The following SPATA12 variants were observed in gnomAD, a reference collection of about 807,000 sequenced individuals.
The protein encoded by SPATA12 is spermatogenesis-associated protein 12.
For missense variants in SPATA12, 219 were observed against 226.4 expected (o/e 0.97, Z 0.21); for synonymous variants, 85 against 89.2 (o/e 0.95, Z 0.26).
chr3:57,074,264 G>A lies in SPATA12; in HGVS notation c.570G>A (p.Leu190=). 2 of 1,606,406 alleles carry A rather than the reference G, an allele frequency of 1.2e-6. No homozygotes were observed. Among genetic ancestry groups the A allele is most frequent in the African/African-American group, 2.7e-5 (2 of 74,922 alleles). The part of the protein sequence containing the change: ...VYSNTHIHTH[L] ...CCAACACACACATACACACACATCT[G>A]TAATCAATAATAATCCTGCAACATC... is the stretch of plus-strand genomic sequence containing the variant. The change falls in exon 2 of 2, where the codon CTG becomes CTA. Residue 190 remains leucine, a synonymous_variant. Transcript: ENST00000334325.
At chr3:57,071,859 T>C (rs1273157310) in intron 1 of SPATA12, among the ~76,000 whole-genome samples, 3 of 151,944 alleles carry the variant, frequency 2.0e-5, no homozygotes, top group Non-Finnish European at 2.9e-5. Context: ...CAAAAAATAC[T>C]TTAAAATCAT....
chr3:57,068,732 C>T (rs1036174990), intron 1 of SPATA12, among the ~76,000 whole-genome samples: 1 of 152,088 alleles, frequency 6.6e-6, no homozygotes, highest in African/African-American at 2.4e-5. Flanking sequence ...GGAACTGAAG[C>T]GCCAAACCTC....
At chr3:57,072,708 A>G (rs1382632441) in intron 1 of SPATA12, among the ~76,000 whole-genome samples, 7 of 144,932 alleles carry the variant, frequency 4.8e-5, no homozygotes, top group Non-Finnish European at 1.5e-5. Context: ...CACCCTGGGC[A>G]ACAGAACGAG....
rs1229963963 is a variant in SPATA12 at position 57,074,121 on chromosome 3, T to C, written c.427T>C (p.Trp143Arg). Residue 143 changes from tryptophan to arginine, a missense_variant, in exon 2 of 2, where the codon TGG (tryptophan) becomes CGG (arginine). By Grantham distance (101) the Trp-to-Arg change is moderately radical. Transcript: ENST00000334325. Reference protein sequence around the residue: ...EDGDNERTTGWLWRLCEDIDA... With the variant: ...EDGDNERTTGRLWRLCEDIDA... ...TGGGGATAATGAGAGGACCACAGGA[T>C]GGTTGTGGAGACTGTGTGAGGATAT... is the stretch of plus-strand genomic sequence containing the variant. 6.2e-7 allele frequency: 1 copy of C among 1,613,684 alleles called. No individual in the cohort carries two copies. Among genetic ancestry groups the C allele is most frequent in the Non-Finnish European group, 8.5e-7 (1 of 1,179,588 alleles).
chr3:57,069,096 T>C (rs77679291), intron 1 of SPATA12, among the ~76,000 whole-genome samples: 13,656 of 152,048 alleles, frequency 0.09, 868 homozygotes, highest in East Asian at 0.35. Flanking sequence ...ATAATTTTTG[T>C]ATTTTTAGCA....
intron 1 of SPATA12, among the ~76,000 whole-genome samples, chr3:57,069,870 C>A (rs910679188): frequency 1.3e-4 from 20 of 152,342 alleles, no homozygotes; most frequent in African/African-American, 4.8e-4. Context: ...GTCTCAAACT[C>A]CTAGCCTGAG....
chr3:57,066,996 G>A (rs1705575592), intron 1 of SPATA12, among the ~76,000 whole-genome samples: 1 of 152,150 alleles, frequency 6.6e-6, no homozygotes, highest in Admixed American at 6.5e-5. Flanking sequence ...CACACATCCT[G>A]TTGGTTCTGT....
At chr3:57,067,828 C>A (rs1197682013) in intron 1 of SPATA12, among the ~76,000 whole-genome samples, 35 of 141,798 alleles carry the variant, frequency 2.5e-4, no homozygotes, top group Admixed American at 5.0e-4. Flanking sequence ...AAAAAAAAAA[C>A]AAAACAAAAA....
chr3:57,066,764 T>C (rs570992691), intron 1 of SPATA12, among the ~76,000 whole-genome samples: 11 of 152,226 alleles, frequency 7.2e-5, no homozygotes, highest in Non-Finnish European at 1.6e-4. Context: ...CTCCATGATG[T>C]GGTGGGCTTT....
At chr3:57,073,124 A>G (rs1321249921) in intron 1 of SPATA12, among the ~76,000 whole-genome samples, 2 of 152,170 alleles carry the variant, frequency 1.3e-5, no homozygotes, top group African/African-American at 4.8e-5. Flanking sequence ...GTTTTCAAAG[A>G]TACTCACAGG....
chr3:57,068,154 C>A (rs185397084), intron 1 of SPATA12, among the ~76,000 whole-genome samples: 3 of 88,416 alleles, frequency 3.4e-5, no homozygotes, highest in African/African-American at 1.4e-4. Context: ...TTCAGATATG[C>A]GCGCACACAC....
chr3:57,064,831 C>T (rs950696078), intron 1 of SPATA12, among the ~76,000 whole-genome samples: 29 of 152,252 alleles, frequency 1.9e-4, no homozygotes, highest in Admixed American at 1.7e-3. Flanking sequence ...GTTTCAGTGT[C>T]ACAAGATGAA....
chr3:57,065,353 A>C (rs1359264147), intron 1 of SPATA12, among the ~76,000 whole-genome samples: 1 of 152,090 alleles, frequency 6.6e-6, no homozygotes, highest in Non-Finnish European at 1.5e-5. Flanking sequence ...CCCAGCTACT[A>C]AGGAGGATGA....
At chr3:57,072,444 A>T (rs960630036) in intron 1 of SPATA12, among the ~76,000 whole-genome samples, 68 of 51,220 alleles carry the variant, frequency 1.3e-3, no homozygotes, top group Non-Finnish European at 3.8e-3. Context: ...ATAAAGAATT[A>T]AAAAAAAAAA....
Position 57,068,331 on chromosome 3 carries a change from G to T in SPATA12, c.-329-5035G>T, listed in dbSNP as rs541926903. Among the ~76,000 whole-genome samples the T allele has an allele frequency of 2.3e-4, 35 of 152,136 alleles. No homozygotes were observed. In the South Asian group the frequency reaches 7.0e-3, roughly 31 times the overall value. ...CTTATCTCACTCTAAAAGGTAATAC[G>T]TTCATTTTCTTCATTAGCATTTATT... On this transcript the variant is annotated intron_variant, in intron 1 of 1. Coordinates refer to ENST00000334325, the MANE Select transcript of SPATA12 (RefSeq NM_181727.2).
intron 1 of SPATA12, among the ~76,000 whole-genome samples, chr3:57,068,410 G>A (rs1352095457): frequency 6.6e-6 from 1 of 152,174 alleles, no homozygotes; most frequent in African/African-American, 2.4e-5. Context: ...ACTCACTGCA[G>A]TGCTGTTTAA....
intron 1 of SPATA12, among the ~76,000 whole-genome samples, chr3:57,071,242 G>C (rs1579219379): frequency 1.3e-5 from 2 of 152,100 alleles, no homozygotes; most frequent in South Asian, 4.2e-4. Context: ...ATGGTTCTGG[G>C]ACAACAGGAT....
chr3:57,071,075 T>C (rs1017592547), intron 1 of SPATA12, among the ~76,000 whole-genome samples: 2 of 151,864 alleles, frequency 1.3e-5, no homozygotes, highest in African/African-American at 4.8e-5. Flanking sequence ...GCTATAGTAG[T>C]CAAGACAGTA....
In SPATA12 at chr3:57,071,338, G is replaced by C. The variant is rs552966470; in HGVS notation, c.-329-2028G>C. ...AAACAGATCAAAGTTCTAAATCTAAGAGCTAAAACTATAAAACTCTTATAA... is the reference window on the plus strand; with the variant it reads ...AAACAGATCAAAGTTCTAAATCTAACAGCTAAAACTATAAAACTCTTATAA... On this transcript the variant is annotated intron_variant, in intron 1 of 1. Coordinates refer to ENST00000334325, the MANE Select transcript of SPATA12 (RefSeq NM_181727.2). Among the ~76,000 whole-genome samples, 113 of 152,142 alleles carry C rather than the reference G, an allele frequency of 7.4e-4. No homozygotes were observed. The Middle Eastern group carries it at 0.01, about 14-fold the overall frequency.
Sources: allele counts gnomAD v4.1 joint callset (sites outside exome capture counted in the v4.1 genomes callset), GRCh38; gene constraint gnomAD v4.1.1; transcripts MANE v1.5; gene names NCBI Gene and HGNC (gene_info 2026-07-23, HGNC 2026-07-21).